Variants in AK5 observed in about 807,000 individuals in gnomAD.
AK5 encodes the protein adenylate kinase 5.
Under a neutral mutation model 69.5 loss-of-function variants are expected in AK5, and 27 were observed. The ratio of observed to expected loss-of-function variants is 0.39; its 90% CI spans 0.29 to 0.54. AK5 has a LOEUF of 0.54. AK5 is among the 20% of genes least tolerant of loss of function. The pLI is 0.71. For missense variants in AK5, 531 were observed against 700.4 expected, an observed-to-expected ratio of 0.76 and a Z score of 2.73; for synonymous variants, 260 against 244.4, an observed-to-expected ratio of 1.06 and a Z score of -0.60.
chr1:77,363,452 A>T (rs1646899433), intron 6 of AK5, among the ~76,000 whole-genome samples: 1 of 152,178 alleles, frequency 6.6e-6, no homozygotes, highest in Non-Finnish European at 1.5e-5. Context: ...TAGCAGCCCA[A>T]GGAAACATTT....
intron 10 of AK5, among the ~76,000 whole-genome samples, 176 bp downstream of exon 10, chr1:77,486,528 T>C (rs1655606846): frequency 6.6e-6 from 1 of 151,914 alleles, no homozygotes; most frequent in Non-Finnish European, 1.5e-5. Context: ...ACCCCATCTC[T>C]AGTAAAAATA....
intron 2 of AK5, among the ~76,000 whole-genome samples, chr1:77,288,424 C>T (rs1352661891): frequency 6.6e-6 from 1 of 152,144 alleles, no homozygotes; most frequent in African/African-American, 2.4e-5. Context: ...GCTATACAGA[C>T]AGAACCTGAA....
At chr1:77,375,743 C>T (rs900890454) in intron 6 of AK5, among the ~76,000 whole-genome samples, 2 of 152,058 alleles carry the variant, frequency 1.3e-5, no homozygotes, top group Non-Finnish European at 2.9e-5. Flanking sequence ...TCTTTAGAGA[C>T]GCTGTGATAA....
chr1:77,433,352 G>A (rs1651764174), intron 8 of AK5, among the ~76,000 whole-genome samples: 1 of 152,202 alleles, frequency 6.6e-6, no homozygotes, highest in Middle Eastern at 3.4e-3. Context: ...AATATGTTTA[G>A]TTTTATCAAA....
Position 77,329,194 on chromosome 1 carries a change from GAA to G in AK5, c.700-11169_700-11168del, listed in dbSNP as rs11324649. On this transcript the variant is annotated intron_variant, in intron 5 of 13. Coordinates refer to ENST00000354567, the MANE Select transcript of AK5 (RefSeq NM_174858.3). ...TCATATACTAGTTGTCTCCCTCAGT[GAA>G]AAAAAAAAAAAAAGCTTTTTTTTTT... 2.5e-3 allele frequency among the ~76,000 whole-genome samples: 277 copies of G among 112,786 alleles called. 4 individuals carry two copies. Among genetic ancestry groups the G allele is most frequent in the Middle Eastern group, 4.4e-3 (1 of 228 alleles). 74.0% of individuals were successfully genotyped at this position (112,786 alleles called of 152,430 possible).
intron 10 of AK5, among the ~76,000 whole-genome samples, chr1:77,512,546 T>A (rs901757005): frequency 6.6e-6 from 1 of 151,434 alleles, no homozygotes; most frequent in African/African-American, 2.4e-5. Context: ...ACTTTTTTTT[T>A]ATTATACTTT....
intron 10 of AK5, among the ~76,000 whole-genome samples, chr1:77,499,943 T>C (rs1042812386): frequency 7.0e-6 from 1 of 143,398 alleles, no homozygotes; most frequent in African/African-American, 2.6e-5. Flanking sequence ...TGGCATTTAG[T>C]AGGCATTCAG....
At chr1:77,556,974 C>T (rs1160143448) in intron 13 of AK5, among the ~76,000 whole-genome samples, 1 of 152,030 alleles carries the variant, frequency 6.6e-6, no homozygotes, top group African/African-American at 2.4e-5. Flanking sequence ...CACCAACCCT[C>T]TACCTTTTTT....
chr1:77,525,053 C>T (rs1462076892), intron 12 of AK5, among the ~76,000 whole-genome samples: 1 of 152,122 alleles, frequency 6.6e-6, no homozygotes, highest in Non-Finnish European at 1.5e-5. Context: ...ACTACAGGCA[C>T]ATGCCACCAC....
chr1:77,351,657 G>A (rs1662207847), intron 6 of AK5, among the ~76,000 whole-genome samples: 1 of 152,086 alleles, frequency 6.6e-6, no homozygotes, highest in South Asian at 2.1e-4. Flanking sequence ...CCTTTCTTTA[G>A]GAAAGCAAAA....
rs1557535738 is a variant in AK5 at position 77,368,274 on chromosome 1, T to TATATATAA, written c.891+27706_891+27707insATATATAA. Reference sequence around the variant, plus strand: ...ATATAATATATATGTTATATATATGTTATATATGTTATATATATGTTATAT... The same window carrying TATATATAA: ...ATATAATATATATGTTATATATATGTATATATAATATATATGTTATATATATGTTATAT... On this transcript the variant is annotated intron_variant, in intron 6 of 13. Coordinates refer to ENST00000354567, the MANE Select transcript of AK5 (RefSeq NM_174858.3). Among the ~76,000 whole-genome samples, 71 of 58,280 alleles carry TATATATAA rather than the reference T, an allele frequency of 1.2e-3. 2 individuals carry two copies. In the East Asian group the frequency reaches 0.029, roughly 24 times the overall value. 38.2% of individuals were successfully genotyped at this position (58,280 alleles called of 152,430 possible).
chr1:77,402,032 C>T lies in AK5; in HGVS notation c.892-8949C>T, dbSNP rs188660242. ...AAAGGATTTTCTTAAGATTCCTAGA[C>T]ATTAAATAACAATTACCTAAAACAT... On this transcript the variant is annotated intron_variant, in intron 6 of 13. Coordinates refer to ENST00000354567, the MANE Select transcript of AK5 (RefSeq NM_174858.3). 6.1e-4 allele frequency among the ~76,000 whole-genome samples: 93 copies of T among 152,234 alleles called. No individual in the cohort carries two copies. The Middle Eastern group carries it at 0.024, about 39-fold the overall frequency.
At chr1:77,404,329 G>C (rs1305808039) in intron 6 of AK5, among the ~76,000 whole-genome samples, 1 of 152,016 alleles carries the variant, frequency 6.6e-6, no homozygotes, top group Non-Finnish European at 1.5e-5. Context: ...CTGACCCCCT[G>C]CAAGTGTGAC....
intron 5 of AK5, among the ~76,000 whole-genome samples, chr1:77,303,853 A>G (rs1399279952): frequency 6.6e-6 from 1 of 152,126 alleles, no homozygotes; most frequent in African/African-American, 2.4e-5. Flanking sequence ...TTCTTTTTTA[A>G]ACTTTTTTTA....
intron 8 of AK5, among the ~76,000 whole-genome samples, chr1:77,481,342 G>A (rs763591734): frequency 3.3e-5 from 5 of 152,158 alleles, no homozygotes; most frequent in East Asian, 1.9e-4. Context: ...TCTGAATTGC[G>A]GTAATTTCAA....
At chr1:77,557,730 G>A (rs753764726) in intron 13 of AK5, among the ~76,000 whole-genome samples, 12 of 151,904 alleles carry the variant, frequency 7.9e-5, no homozygotes, top group Non-Finnish European at 1.3e-4. Context: ...AAGTAACTCC[G>A]AAGTCTTTCC....
intron 8 of AK5, among the ~76,000 whole-genome samples, chr1:77,439,943 C>T (rs979415750): frequency 6.6e-6 from 1 of 152,010 alleles, no homozygotes; most frequent in Non-Finnish European, 1.5e-5. Flanking sequence ...CTTCAGCATA[C>T]TGCTTTCTGG....
chr1:77,314,463 A>G (rs1414702433), intron 5 of AK5: 2 of 153,138 alleles, frequency 1.3e-5, no homozygotes, highest in Non-Finnish European at 2.9e-5. Context: ...TGATATAAAC[A>G]CAATACATTT....
intron 3 of AK5, among the ~76,000 whole-genome samples, chr1:77,295,396 T>C (rs1658937295): frequency 6.6e-6 from 1 of 152,224 alleles, no homozygotes; most frequent in African/African-American, 2.4e-5. Context: ...ATTGTAAATA[T>C]ATCTACCTTG....
Sources: gnomAD v4.1 joint callset for allele counts (sites outside exome capture counted in the v4.1 genomes callset) on GRCh38, gnomAD v4.1.1 for gene constraint, MANE v1.5 for transcripts, NCBI Gene and HGNC (gene_info 2026-07-23, HGNC 2026-07-21) for gene names.